The following ZNF782 variants were observed in gnomAD, a reference collection of about 807,000 sequenced individuals.
ZNF782 encodes the protein zinc finger protein 782.
Under a neutral mutation model 13.0 loss-of-function variants are expected in ZNF782, and 12 were observed. The observed-to-expected ratio is 0.92, with a 90% CI of 0.59 to 1.50. The LOEUF (loss-of-function observed/expected upper bound fraction) is 1.50, where lower values mean the gene tolerates loss of function less well. ZNF782 is among the 40% of genes most tolerant of loss of function. The pLI is 0.00. For synonymous variants in ZNF782, 284 were observed against 283.0 expected (o/e 1.00, Z -0.04); for missense variants, 770 against 822.9 (o/e 0.94, Z 0.79).
the ZNF782 span, among the ~76,000 whole-genome samples, chr9:96,921,387 G>A: frequency 7.3e-6 from 1 of 137,358 alleles, no homozygotes; most frequent in Non-Finnish European, 1.6e-5. Flanking sequence ...ACAAAAATTA[G>A]CCAGACATGG....
chr9:96,895,155 T>C, the ZNF782 span: 2 of 152,232 alleles, frequency 1.3e-5, no homozygotes, highest in Non-Finnish European at 2.9e-5. Context: ...TGAATGGGAT[T>C]CTTAAGTATA....
the ZNF782 span, among the ~76,000 whole-genome samples, chr9:96,896,420 T>C: frequency 6.6e-6 from 1 of 152,168 alleles, no homozygotes; most frequent in Admixed American, 6.5e-5. Context: ...CAGTAAGAAG[T>C]AGCAACTATT....
intron 3 of ZNF782, among the ~76,000 whole-genome samples, chr9:96,851,301 A>C (rs771749491): frequency 1.4e-4 from 22 of 152,236 alleles, no homozygotes; most frequent in Non-Finnish European, 2.8e-4. Context: ...CTGACTAATG[A>C]ACTAATACAT....
At chr9:96,899,803 GTTGT>G in the ZNF782 span, among the ~76,000 whole-genome samples, 2 of 152,160 alleles carry the variant, frequency 1.3e-5, no homozygotes, top group South Asian at 2.1e-4. Flanking sequence ...ATTTTCTTGT[GTTGT>G]TTGTTTGTTT....
At chr9:96,903,568 T>TG in the ZNF782 span, among the ~76,000 whole-genome samples, 2 of 129,280 alleles carry the variant, frequency 1.5e-5, no homozygotes, top group South Asian at 2.7e-4. Context: ...TTTTTTTTTT[T>TG]TTTTTTTTTT....
At chr9:96,855,815 C>A (rs1249836912), upstream of ZNF782, among the ~76,000 whole-genome samples, 1 of 152,164 alleles carries the variant, frequency 6.6e-6, no homozygotes, top group Non-Finnish European at 1.5e-5. Flanking sequence ...ACTTTTAGTT[C>A]TTTAAAGAAT....
At position 96,818,326 on chromosome 9, in the gene ZNF782, T is replaced by C. The variant is rs1373834002; in HGVS notation, c.1697A>G (p.His566Arg). Residue 566 changes from histidine to arginine, a missense_variant, in exon 6 of 6, where the codon CAT (histidine) becomes CGT (arginine). His to Arg is a conservative substitution (Grantham distance 29). Coordinates refer to ENST00000481138, the MANE Select transcript of ZNF782 (RefSeq NM_001001662.3). ...HTGEKPYKCN[H>R]CGEAFSQKSN... ...TTTCTGACTGAAAGCTTCCCCACAA[T>C]GATTACATTTATAGGGTTTTTCCCC... 1.1e-5 allele frequency: 17 copies of C among 1,614,074 alleles called. No homozygotes were observed. In the East Asian group the frequency reaches 3.6e-4, roughly 34 times the overall value.
the ZNF782 span, among the ~76,000 whole-genome samples, chr9:96,898,838 T>TCAC: frequency 6.7e-6 from 1 of 148,912 alleles, no homozygotes; most frequent in Non-Finnish European, 1.5e-5. Context: ...CCTCCCAAAG[T>TCAC]GCTGGGATTA....
At chr9:96,880,452 TTTCTTCTAG>T (rs749580539), upstream of ZNF782, among the ~76,000 whole-genome samples, 1 of 152,188 alleles carries the variant, frequency 6.6e-6, no homozygotes, top group African/African-American at 2.4e-5. Flanking sequence ...TTGAGAAAGT[TTTCTTCTAG>T]CTCTAGTTTT....
chr9:96,848,997 T>C (rs1851417637), intron 3 of ZNF782, among the ~76,000 whole-genome samples: 1 of 152,090 alleles, frequency 6.6e-6, no homozygotes, highest in Admixed American at 6.6e-5. Context: ...TGGAACAGAA[T>C]AGAGAACCCA....
chr9:96,826,908 G>A (rs1412375558), intron 5 of ZNF782, among the ~76,000 whole-genome samples, 172 bp downstream of exon 5: 5 of 152,202 alleles, frequency 3.3e-5, no homozygotes, highest in Admixed American at 6.5e-5. Context: ...ACTCTCAGAA[G>A]CTTGTAGCTT....
chr9:96,907,757 C>T, the ZNF782 span, among the ~76,000 whole-genome samples: 1 of 152,020 alleles, frequency 6.6e-6, no homozygotes, highest in Non-Finnish European at 1.5e-5. Flanking sequence ...TCTCCTGTCT[C>T]AGCCTCCCGA....
At chr9:96,875,762 A>T (rs752275086), upstream of ZNF782, 53 of 366,390 alleles carry the variant, frequency 1.4e-4, no homozygotes, top group Non-Finnish European at 7.0e-5. Context: ...AGAAGTTGAC[A>T]GGCTGTGGGG....
intron 1 of ZNF782, among the ~76,000 whole-genome samples, chr9:96,873,206 C>T (rs1047782122): frequency 3.9e-5 from 6 of 152,074 alleles, no homozygotes; most frequent in Non-Finnish European, 8.8e-5. Flanking sequence ...TTAAATAACT[C>T]ATCACCTCAT....
chr9:96,903,479 A>C, the ZNF782 span, among the ~76,000 whole-genome samples: 13 of 150,862 alleles, frequency 8.6e-5, no homozygotes, highest in Admixed American at 8.6e-4. Flanking sequence ...TGGGGGTATT[A>C]CAAACAAAGC....
At chr9:96,885,154 A>C in the ZNF782 span, among the ~76,000 whole-genome samples, 1 of 152,200 alleles carries the variant, frequency 6.6e-6, no homozygotes, top group Non-Finnish European at 1.5e-5. Context: ...AAACAAGAAA[A>C]AAATAACAGA....
chr9:96,840,171 A>G (rs558014475), intron 4 of ZNF782, among the ~76,000 whole-genome samples: 1 of 152,252 alleles, frequency 6.6e-6, no homozygotes, highest in Admixed American at 6.5e-5. Context: ...TATGGCCTCA[A>G]TAATATATAT....
chr9:96,822,440 T>G (rs545596534), intron 5 of ZNF782, among the ~76,000 whole-genome samples: 1 of 152,284 alleles, frequency 6.6e-6, no homozygotes, highest in East Asian at 1.9e-4. Flanking sequence ...ATCTATCAAG[T>G]AGGTTGTGAG....
At chr9:96,821,807 G>C (rs1850427428) in intron 5 of ZNF782, among the ~76,000 whole-genome samples, 1 of 151,852 alleles carries the variant, frequency 6.6e-6, no homozygotes, top group Non-Finnish European at 1.5e-5. Flanking sequence ...TGGGACTACA[G>C]GTGCCCACCA....
Sources: gnomAD v4.1 joint callset for allele counts (sites outside exome capture counted in the v4.1 genomes callset) on GRCh38, gnomAD v4.1.1 for gene constraint, MANE v1.5 for transcripts, NCBI Gene and HGNC (gene_info 2026-07-23, HGNC 2026-07-21) for gene names.